Variants in SORCS1 observed in about 807,000 individuals in gnomAD.
The protein encoded by SORCS1 is VPS10 domain-containing receptor SorCS1.
Under a neutral mutation model 146.1 loss-of-function variants are expected in SORCS1, and 60 were observed. The observed-to-expected ratio is 0.41, with a 90% CI of 0.33 to 0.51. The LOEUF is 0.51. Among genes scored for constraint, SORCS1 ranks in the 20% least tolerant of loss-of-function variants. SORCS1 has a pLI of 0.21. For missense variants in SORCS1, 1,352 were observed against 1,487.6 expected (o/e 0.91, Z 1.50); for synonymous variants, 637 against 584.0 (o/e 1.09, Z -1.31).
chr10:106,989,686 T>TTTTG (rs1956678515), intron 1 of SORCS1, among the ~76,000 whole-genome samples: 2 of 138,050 alleles, frequency 1.4e-5, no homozygotes, highest in African/African-American at 6.0e-5. Context: ...TTTTGTTTTT[T>TTTTG]TTTTTTTTTT....
intron 1 of SORCS1, among the ~76,000 whole-genome samples, chr10:107,095,030 G>A (rs2134337456): frequency 6.6e-6 from 1 of 152,274 alleles, no homozygotes; most frequent in Non-Finnish European, 1.5e-5. Flanking sequence ...CTAACAAGAT[G>A]TAAAAATCCC....
chr10:106,671,483 G>C, intron 15 of SORCS1, 116 bp from the exon 16 acceptor site: 1 of 1,432,138 alleles, frequency 7.0e-7, no homozygotes, highest in Admixed American at 1.9e-5. Flanking sequence ...AACTTTGGTA[G>C]CCCTCTTTGT....
intron 6 of SORCS1, among the ~76,000 whole-genome samples, chr10:106,713,579 T>G (rs1855149436): frequency 6.6e-6 from 1 of 152,236 alleles, no homozygotes; most frequent in Non-Finnish European, 1.5e-5. Flanking sequence ...TTGTTGTTCA[T>G]CTGTGAGCCA....
At chr10:107,009,671 A>T (rs934763394) in intron 1 of SORCS1, among the ~76,000 whole-genome samples, 1 of 152,218 alleles carries the variant, frequency 6.6e-6, no homozygotes, top group Non-Finnish European at 1.5e-5. Context: ...GCACCAAAAT[A>T]CGCAAGATTT....
chr10:107,137,667 A>G (rs371013547), intron 1 of SORCS1, among the ~76,000 whole-genome samples: 13 of 152,152 alleles, frequency 8.5e-5, no homozygotes, highest in East Asian at 7.7e-4. Flanking sequence ...GTTCGAGACC[A>G]GTCTGACCAA....
chr10:106,624,366 T>A (rs1050910521), intron 19 of SORCS1, among the ~76,000 whole-genome samples: 12 of 135,114 alleles, frequency 8.9e-5, no homozygotes, highest in South Asian at 2.6e-4. Context: ...TTTTTTTTTT[T>A]TTTTTTTTTT....
intron 1 of SORCS1, among the ~76,000 whole-genome samples, chr10:106,977,093 A>G (rs187204102): frequency 1.7e-3 from 266 of 152,314 alleles, no homozygotes; most frequent in African/African-American, 6.2e-3. Context: ...TCTGGTTTCT[A>G]GATCCCTGAG....
chr10:106,937,639 C>CCCAGTCTCAGG (rs1272708944), intron 2 of SORCS1, among the ~76,000 whole-genome samples: 1 of 152,092 alleles, frequency 6.6e-6, no homozygotes, highest in African/African-American at 2.4e-5. Context: ...TTATAAATTA[C>CCCAGTCTCAGG]CCAGTCTCAG....
At chr10:106,865,521 C>G (rs987355093) in intron 2 of SORCS1, among the ~76,000 whole-genome samples, 1 of 152,018 alleles carries the variant, frequency 6.6e-6, no homozygotes, top group Non-Finnish European at 1.5e-5. Context: ...CTCAGGAGTT[C>G]AAGACCTGCC....
chr10:107,066,563 G>C (rs1280647352), intron 1 of SORCS1, among the ~76,000 whole-genome samples: 2 of 152,124 alleles, frequency 1.3e-5, no homozygotes, highest in Non-Finnish European at 2.9e-5. Flanking sequence ...GAGACTCAAG[G>C]CTAGTGAGGA....
intron 1 of SORCS1, among the ~76,000 whole-genome samples, chr10:107,016,559 C>A (rs959949404): frequency 2.6e-5 from 4 of 152,016 alleles, no homozygotes; most frequent in African/African-American, 9.7e-5. Context: ...ATGTGTAAGG[C>A]AACACAATGA....
chr10:107,178,004 C>A, the SORCS1 span, among the ~76,000 whole-genome samples: 1 of 151,770 alleles, frequency 6.6e-6, no homozygotes, highest in South Asian at 2.1e-4. Context: ...CCTGTTGGAG[C>A]ATTGGGGGTG....
chr10:107,180,921 G>A, the SORCS1 span, among the ~76,000 whole-genome samples: 1 of 152,152 alleles, frequency 6.6e-6, no homozygotes, highest in East Asian at 1.9e-4. Context: ...AAACTATACA[G>A]CATGCTACTG....
intron 1 of SORCS1, among the ~76,000 whole-genome samples, chr10:107,064,726 A>G (rs1051535425): frequency 1.3e-5 from 2 of 152,180 alleles, no homozygotes; most frequent in South Asian, 4.1e-4. Flanking sequence ...TATTTGTGTA[A>G]TTATGCCATC....
intron 1 of SORCS1, among the ~76,000 whole-genome samples, chr10:107,116,754 A>G (rs1173910630): frequency 6.6e-6 from 1 of 152,202 alleles, no homozygotes; most frequent in Non-Finnish European, 1.5e-5. Context: ...GGATTTATTA[A>G]TTAATTTGTT....
chr10:106,675,138 C>A lies in SORCS1; in HGVS notation c.1851G>T (p.Gly617=), dbSNP rs1851925993. Reference sequence around the variant, plus strand: ...TGAAACTGTATTTGCTCCAAGATCTCCCTTCATCAAAACTCAACCTAATGA... The same window carrying A: ...TGAAACTGTATTTGCTCCAAGATCTACCTTCATCAAAACTCAACCTAATGA... ...IRHLWLSFDE[G]RSWSKYSFTS... The change falls in exon 14 of 26, where the codon GGG becomes GGT. Residue 617 remains glycine, a synonymous_variant. Coordinates refer to ENST00000263054, the MANE Select transcript of SORCS1 (RefSeq NM_052918.5). 3.1e-6 allele frequency: 5 copies of A among 1,613,342 alleles called. No homozygotes were observed. Among genetic ancestry groups the A allele is most frequent in the Non-Finnish European group, 4.2e-6 (5 of 1,179,576 alleles).
chr10:106,857,694 T>G (rs1949843002), intron 2 of SORCS1, among the ~76,000 whole-genome samples: 1 of 152,344 alleles, frequency 6.6e-6, no homozygotes, highest in African/African-American at 2.4e-5. Context: ...TTTAAATAAC[T>G]TCATTATCAT....
chr10:106,884,984 C>A (rs755140628), intron 2 of SORCS1, among the ~76,000 whole-genome samples: 14 of 152,098 alleles, frequency 9.2e-5, no homozygotes, highest in Non-Finnish European at 2.9e-5. Flanking sequence ...ACAAAAGCAC[C>A]TGAGCAATTA....
chr10:106,764,351 G>A (rs909927061), intron 4 of SORCS1, among the ~76,000 whole-genome samples: 5 of 152,188 alleles, frequency 3.3e-5, no homozygotes, highest in African/African-American at 1.2e-4. Context: ...AACCTACAGA[G>A]TCTGGAAGCA....
Sources: gnomAD v4.1 joint callset for allele counts (sites outside exome capture counted in the v4.1 genomes callset) on GRCh38, gnomAD v4.1.1 for gene constraint, MANE v1.5 for transcripts, NCBI Gene and HGNC (gene_info 2026-07-23, HGNC 2026-07-21) for gene names.